The following IPO9 variants were observed in gnomAD, a reference collection of about 807,000 sequenced individuals.
IPO9 encodes importin 9.
A neutral mutation model predicts 128.6 loss-of-function variants in IPO9; 28 were observed. That is an observed-to-expected ratio of 0.22 (90% CI 0.16 to 0.30). IPO9 has a LOEUF of 0.30. Ranked by LOEUF, IPO9 falls within the 10% of genes least tolerant of loss-of-function variation. The pLI is 1.00. For synonymous variants in IPO9, 455 were observed against 475.8 expected (o/e 0.96, Z 0.57); for missense variants, 935 against 1,293.9 (o/e 0.72, Z 4.26).
chr1:201,847,093 C>T (rs73090409), intron 1 of IPO9, among the ~76,000 whole-genome samples, 186 bp from the exon 2 acceptor site: 1,547 of 152,334 alleles, frequency 0.01, 26 homozygotes, highest in African/African-American at 0.035. Context: ...TTCATTGTAA[C>T]AAGGCATGTC....
intron 1 of IPO9, among the ~76,000 whole-genome samples, chr1:201,840,329 C>T (rs1302737059): frequency 6.6e-6 from 1 of 152,174 alleles, no homozygotes; most frequent in African/African-American, 2.4e-5. Flanking sequence ...CCTTAGCCTC[C>T]CAAAGTGCTG....
At chr1:201,875,113 C>T (rs1396523478) in intron 22 of IPO9, 39 bp from the exon 23 acceptor site, 2 of 1,585,244 alleles carry the variant, frequency 1.3e-6, no homozygotes, top group Non-Finnish European at 1.7e-6. Flanking sequence ...GATCATGGGC[C>T]TTTGTCCTGA....
chr1:201,881,920 CAAGT>C lies in IPO9; in HGVS notation c.*5870_*5873del, dbSNP rs991837340. 4 of 152,188 alleles carry C rather than the reference CAAGT, an allele frequency of 2.6e-5. No homozygotes were observed. Among genetic ancestry groups the C allele is most frequent in the Non-Finnish European group, 2.9e-5 (2 of 68,046 alleles). The allele number at this position is 152,188 out of a possible 1,614,324, so 9.4% of individuals were successfully genotyped here. On this transcript the variant is annotated 3_prime_UTR_variant, in exon 24 of 24. Coordinates refer to ENST00000361565, the MANE Select transcript of IPO9 (RefSeq NM_018085.5). ...AAAGTCAGTAGGACTTAAAGACTGA[CAAGT>C]AAGGATTTTCCAAAAGTGAGAGCTG...
intron 1 of IPO9, among the ~76,000 whole-genome samples, chr1:201,834,025 G>A (rs1181573570): frequency 3.9e-5 from 6 of 152,000 alleles, no homozygotes; most frequent in Non-Finnish European, 8.8e-5. Flanking sequence ...GCCCTCAAGT[G>A]ATCCTCCTAA....
At position 201,863,480 on chromosome 1, in the gene IPO9, G is replaced by T; in HGVS notation, c.1501G>T (p.Ala501Ser). ...TTTCCTCTTGGGCCGGGCACTTTGG[G>T]CTGCCAGTCGGTTCACTGTTGCTAT... The part of the protein sequence containing the change: ...SPFLLGRALW[A>S]ASRFTVAMSP... Residue 501 changes from alanine to serine, a missense_variant, in exon 14 of 24, where the codon GCT becomes TCT. Coordinates refer to ENST00000361565, the MANE Select transcript of IPO9 (RefSeq NM_018085.5). 2 of 1,589,956 alleles carry T rather than the reference G, an allele frequency of 1.3e-6. No homozygotes were observed. The highest frequency in any genetic ancestry group is 2.7e-5 in the African/African-American group (2 of 74,704).
chr1:201,871,165 T>A lies in IPO9; in HGVS notation c.2414T>A (p.Leu805Gln). Residue 805 changes from leucine to glutamine, a missense_variant, in exon 19 of 24, where the codon CTG becomes CAG. Leu to Gln is a moderately radical substitution (Grantham distance 113). Around this residue, in one of 3 missense-constraint regions of IPO9, gnomAD observed 741 missense variants for 1,019.1 expected, o/e 0.73. Coordinates refer to ENST00000361565, the MANE Select transcript of IPO9 (RefSeq NM_018085.5). ...AATGTCCTTATTTTCTCCTAGTCCC[T>A]GATCATGGTGTTCGCTCATCTGGTG... is the stretch of plus-strand genomic sequence containing the variant. ...QAETLSVMQSLIMVFAHLVHT... is the reference protein window; with the variant it reads ...QAETLSVMQSQIMVFAHLVHT... 6.2e-7 allele frequency: 1 copy of A among 1,612,840 alleles called. No homozygotes were observed. Among genetic ancestry groups the A allele is most frequent in the Non-Finnish European group, 8.5e-7 (1 of 1,179,476 alleles).
At chr1:201,861,775 CA>C (rs1680451941) in intron 13 of IPO9, among the ~76,000 whole-genome samples, 1 of 152,148 alleles carries the variant, frequency 6.6e-6, no homozygotes, top group African/African-American at 2.4e-5. Flanking sequence ...TTATAGTAAA[CA>C]AGGGTAGTAA....
intron 15 of IPO9, among the ~76,000 whole-genome samples, chr1:201,867,454 A>G (rs992297816): frequency 6.6e-6 from 1 of 152,186 alleles, no homozygotes; most frequent in Non-Finnish European, 1.5e-5. Context: ...CTGTGCAGCC[A>G]TTAAAAATCA....
In IPO9 at chr1:201,829,389, C is replaced by T; in HGVS notation, c.163+17C>T. On this transcript the variant is annotated intron_variant, in intron 1 of 23. Coordinates refer to ENST00000361565, the MANE Select transcript of IPO9 (RefSeq NM_018085.5). ...TGACGGAGGGTGAGTGAGGCGGGAC[C>T]GTCACGAGGATGGCTCAGCCGCACA... 6.5e-7 allele frequency: 1 copy of T among 1,545,348 alleles called. No homozygotes were observed. Among genetic ancestry groups the T allele is most frequent in the East Asian group, 2.5e-5 (1 of 39,730 alleles).
Position 201,869,727 on chromosome 1 carries a change from G to A in IPO9, c.2133+9G>A. 6.2e-7 allele frequency: 1 copy of A among 1,613,910 alleles called. No homozygotes were observed. Among genetic ancestry groups the A allele is most frequent in the Non-Finnish European group, 8.5e-7 (1 of 1,179,886 alleles). Reference sequence around the variant, plus strand: ...ACAATGCCACCATGCAGGTATCTGAGACATGGAGAGTAGAAGAGGGAAGAT... The same window carrying A: ...ACAATGCCACCATGCAGGTATCTGAAACATGGAGAGTAGAAGAGGGAAGAT... On this transcript the variant is annotated intron_variant, in intron 17 of 23. Transcript: ENST00000361565.
At chr1:201,858,583 G>A (rs1183070732) in intron 12 of IPO9, 30 bp downstream of exon 12, 22 of 1,286,242 alleles carry the variant, frequency 1.7e-5, no homozygotes, top group Non-Finnish European at 2.4e-5. Flanking sequence ...TGGTTAAGAT[G>A]CTTTTGTTTA....
At chr1:201,864,995 T>C (rs888363899) in intron 14 of IPO9, among the ~76,000 whole-genome samples, 15 of 152,158 alleles carry the variant, frequency 9.9e-5, no homozygotes, top group African/African-American at 3.6e-4. Flanking sequence ...TGGACACTCA[T>C]ATATGTTTAC....
intron 1 of IPO9, among the ~76,000 whole-genome samples, chr1:201,842,656 G>A (rs1038273150): frequency 1.3e-5 from 2 of 152,142 alleles, no homozygotes; most frequent in African/African-American, 2.4e-5. Context: ...ATCACAGTCC[G>A]CCCTTGGGTC....
At chr1:201,873,444 CAAAAAAAAAAAAA>C (rs571580169) in intron 20 of IPO9, among the ~76,000 whole-genome samples, 1 of 58,230 alleles carries the variant, frequency 1.7e-5, no homozygotes, top group Non-Finnish European at 3.2e-5. Context: ...GACTCCGTCT[CAAAAAAAAAAAAA>C]AAAAAAAAAT....
chr1:201,867,056 T>C (rs1365805906), intron 15 of IPO9, 97 bp downstream of exon 15: 1 of 1,008,648 alleles, frequency 9.9e-7, no homozygotes, highest in Non-Finnish European at 1.5e-6. Context: ...GTCTTAGCTA[T>C]GAAGCTATGG....
In IPO9 at chr1:201,876,189, C is replaced by CGA; in HGVS notation, c.*135_*136insGA. 1.3e-6 allele frequency: 1 copy of CGA among 761,920 alleles called. No individual in the cohort carries two copies. Among genetic ancestry groups the CGA allele is most frequent in the Non-Finnish European group, 2.4e-6 (1 of 411,072 alleles). 47.2% of individuals were successfully genotyped at this position (761,920 alleles called of 1,614,324 possible). ...CCTTGGCCCTTGGCCTCGGCAGTGACACTGATGACAATTCAGACCAGGCTC... is the reference window on the plus strand; with the variant it reads ...CCTTGGCCCTTGGCCTCGGCAGTGACGAACTGATGACAATTCAGACCAGGCTC... On this transcript the variant is annotated 3_prime_UTR_variant, in exon 24 of 24. Coordinates refer to ENST00000361565, the MANE Select transcript of IPO9 (RefSeq NM_018085.5).
intron 1 of IPO9, among the ~76,000 whole-genome samples, chr1:201,841,315 T>C (rs1258511332): frequency 3.3e-5 from 5 of 152,228 alleles, no homozygotes; most frequent in Non-Finnish European, 7.3e-5. Flanking sequence ...TATGGATTAA[T>C]ACTTCTGTAA....
In IPO9 at chr1:201,875,969, A is replaced by G; in HGVS notation, c.3041A>G (p.Gln1014Arg). 6.2e-7 allele frequency: 1 copy of G among 1,612,706 alleles called. No individual in the cohort carries two copies. The highest frequency in any genetic ancestry group is 8.5e-7 in the Non-Finnish European group (1 of 1,178,680). Residue 1014 changes from glutamine to arginine, a missense_variant, in exon 24 of 24, where the codon CAG becomes CGG. Gln to Arg is a conservative substitution (Grantham distance 43). Around this residue, in one of 3 missense-constraint regions of IPO9, gnomAD observed 188 missense variants for 246.7 expected, o/e 0.76. Transcript: ENST00000361565. ...GCATATCTCACAGATTTCCTCTGCC[A>G]GTTTGCTCAGCAGCCCTGCTACATA... is the stretch of plus-strand genomic sequence containing the variant. ...LQAYLTDFLC[Q>R]FAQQPCYIMF...
chr1:201,830,156 T>C (rs1679806895), intron 1 of IPO9, among the ~76,000 whole-genome samples: 1 of 152,234 alleles, frequency 6.6e-6, no homozygotes, highest in South Asian at 2.1e-4. Context: ...CCAGTGTAGC[T>C]ACCACAAAGA....
Sources: gnomAD v4.1 joint callset for allele counts (sites outside exome capture counted in the v4.1 genomes callset) on GRCh38, gnomAD v4.1.1 for gene constraint, gnomAD v4.1.1 regional missense constraint, MANE v1.5 for transcripts, NCBI Gene and HGNC (gene_info 2026-07-23, HGNC 2026-07-21) for gene names.